Variants in ZNF736 observed in about 807,000 individuals in gnomAD.
The protein encoded by ZNF736 is zinc finger protein 736, also known as KRAB-containing zinc-finger repressor protein.
Under a neutral mutation model 11.7 loss-of-function variants are expected in ZNF736, and 6 were observed. The observed-to-expected ratio is 0.51, with a 90% CI of 0.28 to 1.01. The LOEUF (loss-of-function observed/expected upper bound fraction) is 1.01. Among genes scored for constraint, ZNF736 ranks in the 50% least tolerant of loss-of-function variants. The probability of loss-of-function intolerance (pLI) is 0.09; values close to 1 mark genes in which losing one functional copy is unlikely to be tolerated. For missense variants in ZNF736, 444 were observed against 496.0 expected (o/e 0.90, Z 1.00); for synonymous variants, 139 against 164.7 (o/e 0.84, Z 1.19).
At chr7:64,318,148 G>A (rs1390148874) in intron 1 of ZNF736, among the ~76,000 whole-genome samples, 1 of 151,714 alleles carries the variant, frequency 6.6e-6, no homozygotes, top group Non-Finnish European at 1.5e-5. Context: ...ATTTTAAATG[G>A]AAACATTTTT....
At chr7:64,314,248 T>TG (rs990135096) in intron 1 of ZNF736, 95 bp downstream of exon 1, 2 of 1,475,162 alleles carry the variant, frequency 1.4e-6, no homozygotes, top group Non-Finnish European at 1.8e-6. Flanking sequence ...TCTCGCGGTC[T>TG]GCTCTGGAGT....
intron 3 of ZNF736, among the ~76,000 whole-genome samples, chr7:64,340,593 G>A (rs1408182674): frequency 1.3e-5 from 2 of 152,134 alleles, no homozygotes; most frequent in Admixed American, 6.5e-5. Context: ...TCTTCTTTGA[G>A]AAGGAGTCTC....
At chr7:64,330,435 G>A (rs1168675208) in intron 1 of ZNF736, among the ~76,000 whole-genome samples, 3 of 151,988 alleles carry the variant, frequency 2.0e-5, no homozygotes, top group Non-Finnish European at 4.4e-5. Context: ...GGGATTACAG[G>A]CCTGAGCCAC....
At chr7:64,314,865 C>T (rs998108558) in intron 1 of ZNF736, among the ~76,000 whole-genome samples, 3 of 152,176 alleles carry the variant, frequency 2.0e-5, no homozygotes, top group African/African-American at 4.8e-5. Flanking sequence ...TGACCCACCA[C>T]CCTAGCCTAA....
chr7:64,323,865 A>G (rs1170603361), intron 1 of ZNF736, among the ~76,000 whole-genome samples: 1 of 152,184 alleles, frequency 6.6e-6, no homozygotes, highest in Non-Finnish European at 1.5e-5. Context: ...CACATCCTGC[A>G]TATGTACCCC....
chr7:64,338,700 A>G (rs1789294274), intron 3 of ZNF736, among the ~76,000 whole-genome samples: 1 of 147,068 alleles, frequency 6.8e-6, no homozygotes, highest in African/African-American at 2.6e-5. Flanking sequence ...ATAATATTCT[A>G]TTTTGTATAC....
In ZNF736 at chr7:64,348,512, A is replaced by T; in HGVS notation, c.649A>T (p.Thr217Ser). Reference sequence around the variant, plus strand: ...AGCGTTTAAAAAGTTTTCAAACCTTACTGAACATAAGAGAGTTCATACTGG... The same window carrying T: ...AGCGTTTAAAAAGTTTTCAAACCTTTCTGAACATAAGAGAGTTCATACTGG... ...GKAFKKFSNL[T>S]EHKRVHTGEK... The change falls in exon 4 of 4, where the codon ACT becomes TCT. Residue 217 changes from threonine (T) to serine (S), a missense_variant. Thr to Ser is a moderately conservative substitution (Grantham distance 58). Transcript: ENST00000423484. The T allele has an allele frequency of 6.4e-7, 1 of 1,572,982 alleles. No homozygotes were observed. Among genetic ancestry groups the T allele is most frequent in the Non-Finnish European group, 8.6e-7 (1 of 1,159,350 alleles).
intron 3 of ZNF736, among the ~76,000 whole-genome samples, chr7:64,345,307 C>G (rs1205001032): frequency 2.6e-5 from 4 of 151,244 alleles, no homozygotes; most frequent in Non-Finnish European, 5.9e-5. Flanking sequence ...CAGGCGTGAA[C>G]CACTGTGCCC....
intron 1 of ZNF736, among the ~76,000 whole-genome samples, chr7:64,329,722 C>T (rs765277469): frequency 6.6e-6 from 1 of 152,172 alleles, no homozygotes; most frequent in Non-Finnish European, 1.5e-5. Flanking sequence ...AAAGCCAGCA[C>T]AGGACTGGCT....
At chr7:64,319,111 G>A (rs1408700749) in intron 1 of ZNF736, among the ~76,000 whole-genome samples, 1 of 151,854 alleles carries the variant, frequency 6.6e-6, no homozygotes, top group African/African-American at 2.4e-5. Flanking sequence ...CAAAGAGCCA[G>A]TAAAGTTTTA....
intron 1 of ZNF736, 79 bp downstream of exon 1, chr7:64,314,232 G>C (rs1015083858): frequency 3.9e-6 from 6 of 1,527,084 alleles, no homozygotes; most frequent in Non-Finnish European, 5.3e-6. Flanking sequence ...GGTGGTATCT[G>C]GGCCTTCTCG....
intron 3 of ZNF736, among the ~76,000 whole-genome samples, chr7:64,341,453 T>G (rs1168298269): frequency 6.6e-6 from 1 of 152,162 alleles, no homozygotes; most frequent in Non-Finnish European, 1.5e-5. Context: ...CACAAACATG[T>G]TCTCAGTTAT....
At position 64,348,490 on chromosome 7, in the gene ZNF736, G is replaced by A. The variant is rs768839824; in HGVS notation, c.627G>A (p.Ala209=). The change falls in exon 4 of 4, where the codon GCG becomes GCA. Residue 209 remains alanine, a synonymous_variant. Transcript: ENST00000423484. ...RCYKCEECGK[A]FKKFSNLTEH... ...ACAAATGTGAAGAATGTGGCAAAGC[G>A]TTTAAAAAGTTTTCAAACCTTACTG... is the stretch of plus-strand genomic sequence containing the variant. 1.4e-5 allele frequency: 22 copies of A among 1,559,908 alleles called. No individual in the cohort carries two copies. Among genetic ancestry groups the A allele is most frequent in the South Asian group, 4.7e-5 (4 of 85,260 alleles).
chr7:64,354,618 A>G lies in ZNF736; in HGVS notation c.*5471A>G, dbSNP rs1789530902. 6.6e-6 allele frequency: 1 copy of G among 152,188 alleles called. No individual in the cohort carries two copies. The highest frequency in any genetic ancestry group is 1.5e-5 in the Non-Finnish European group (1 of 68,026). 9.4% of individuals were successfully genotyped at this position (152,188 alleles called of 1,614,324 possible). ...AGACATAATTTTCTTTTCATAAAAC[A>G]TTCTTTGTATAATCACCTCAGAGAT... On this transcript the variant is annotated 3_prime_UTR_variant, in exon 4 of 4. Transcript: ENST00000423484.
chr7:64,332,796 A>C (rs1219093978), intron 1 of ZNF736, among the ~76,000 whole-genome samples: 4 of 152,146 alleles, frequency 2.6e-5, no homozygotes, highest in African/African-American at 9.7e-5. Flanking sequence ...AAAAGAATTT[A>C]GCAATATCTC....
intron 3 of ZNF736, among the ~76,000 whole-genome samples, chr7:64,343,132 G>A (rs2115953207): frequency 1.3e-5 from 2 of 152,116 alleles, no homozygotes; most frequent in Non-Finnish European, 2.9e-5. Flanking sequence ...AAACTTTATT[G>A]TCTTCAACAG....
chr7:64,344,121 G>A (rs527901452), intron 3 of ZNF736, among the ~76,000 whole-genome samples: 1 of 152,218 alleles, frequency 6.6e-6, no homozygotes, highest in South Asian at 2.1e-4. Flanking sequence ...TGGCCAACAT[G>A]GCAAAACCCC....
At chr7:64,314,180 G>A in intron 1 of ZNF736, 27 bp downstream of exon 1, 13 of 1,551,680 alleles carry the variant, frequency 8.4e-6, no homozygotes, top group Non-Finnish European at 1.0e-5. Flanking sequence ...GGTGTCCCGA[G>A]AATGGGGAAG....
chr7:64,324,239 T>C (rs1307817075), intron 1 of ZNF736, among the ~76,000 whole-genome samples: 3 of 152,160 alleles, frequency 2.0e-5, no homozygotes, highest in Non-Finnish European at 4.4e-5. Context: ...TGGAGTTGTT[T>C]TGCTCATGTT....
Sources: gnomAD v4.1 joint callset for allele counts (sites outside exome capture counted in the v4.1 genomes callset) on GRCh38, gnomAD v4.1.1 for gene constraint, MANE v1.5 for transcripts, NCBI Gene and HGNC (gene_info 2026-07-23, HGNC 2026-07-21) for gene names.